SLIT1: variants seen among roughly 807,000 people sequenced by gnomAD.
SLIT1 encodes slit guidance ligand 1, also known as slit homolog 1 protein.
In SLIT1, 66 loss-of-function variants were observed where a neutral mutation model predicts 186.1. The ratio of observed to expected loss-of-function variants is 0.35; its 90% CI spans 0.29 to 0.44. The LOEUF (loss-of-function observed/expected upper bound fraction) is 0.44, where lower values mean the gene tolerates loss of function less well. Among genes scored for constraint, SLIT1 ranks in the 20% least tolerant of loss-of-function variants. SLIT1 has a pLI of 1.00. For synonymous variants in SLIT1, 761 were observed against 833.8 expected, an observed-to-expected ratio of 0.91 and a Z score of 1.50; for missense variants, 1,638 against 2,037.4, an observed-to-expected ratio of 0.80 and a Z score of 3.77.
At chr10:97,039,954 C>T in intron 21 of SLIT1, 34 bp downstream of exon 21, 1 of 1,609,956 alleles carries the variant, frequency 6.2e-7, no homozygotes, top group Non-Finnish European at 8.5e-7. Context: ...TCCTGTGGAC[C>T]CACGTGAAGG....
chr10:97,041,858 A>G (rs1339425662), intron 20 of SLIT1, among the ~76,000 whole-genome samples: 1 of 152,186 alleles, frequency 6.6e-6, no homozygotes, highest in East Asian at 1.9e-4. Context: ...TGTAAAAAGA[A>G]GGATAAAAGG....
At chr10:97,167,004 G>C (rs1850130444) in intron 1 of SLIT1, among the ~76,000 whole-genome samples, 1 of 152,004 alleles carries the variant, frequency 6.6e-6, no homozygotes, top group South Asian at 2.1e-4. Flanking sequence ...CTGTCCCGTG[G>C]GCCTGGCTCC....
In SLIT1 at chr10:97,163,431, A is replaced by G; in HGVS notation, c.290T>C (p.Ile97Thr). ...LRVLQLMENQ[I>T]GAVERGAFDD... ...AAAAGCACCACGTTCCACTGCTCCA[A>G]TCTGGTTCTCCATCAGCTGCCTGGG... is the stretch of plus-strand genomic sequence containing the variant. Residue 97 changes from isoleucine (I) to threonine (T), a missense_variant, in exon 3 of 37, where the codon ATT becomes ACT. Transcript: ENST00000266058. 6.2e-7 allele frequency: 1 copy of G among 1,614,150 alleles called. No individual in the cohort carries two copies. The highest frequency in any genetic ancestry group is 2.2e-5 in the East Asian group (1 of 44,880).
At chr10:97,111,090 T>C (rs888124341) in intron 4 of SLIT1, among the ~76,000 whole-genome samples, 3 of 151,868 alleles carry the variant, frequency 2.0e-5, no homozygotes, top group African/African-American at 7.3e-5. Context: ...CTCAGGAGGC[T>C]GAGGCAGGAG....
At chr10:97,050,764 C>A (rs2134629184) in intron 13 of SLIT1, among the ~76,000 whole-genome samples, 1 of 152,268 alleles carries the variant, frequency 6.6e-6, no homozygotes, top group Non-Finnish European at 1.5e-5. Flanking sequence ...ACTGTGTAGT[C>A]AATCCAATTG....
intron 4 of SLIT1, among the ~76,000 whole-genome samples, chr10:97,131,978 G>T (rs893232241): frequency 1.3e-5 from 2 of 152,232 alleles, no homozygotes; most frequent in Non-Finnish European, 2.9e-5. Context: ...TCCTTTAACA[G>T]CTGTATAAGT....
chr10:97,073,123 T>C (rs1288178876), intron 4 of SLIT1, among the ~76,000 whole-genome samples: 1 of 152,144 alleles, frequency 6.6e-6, no homozygotes, highest in African/African-American at 2.4e-5. Context: ...TTCTTTTTGC[T>C]CCAACTGACT....
Position 97,056,327 on chromosome 10 carries a change from T to C in SLIT1, c.1295A>G (p.Gln432Arg), listed in dbSNP as rs746731696. The change falls in exon 13 of 37, where the codon CAG (glutamine) becomes CGG (arginine). Residue 432 changes from glutamine (Q) to arginine (R), a missense_variant. By Grantham distance (43) the Gln-to-Arg change is conservative. Transcript: ENST00000266058. ...AAGGCATCAGGGCACTCACAGAGTC[T>C]GGATGGCCCGCAGGGAGGTGAAAGT... ...KGTFTSLRAIQTLHLAQNPFI... is the reference protein window; with the variant it reads ...KGTFTSLRAIRTLHLAQNPFI... 6.2e-7 allele frequency: 1 copy of C among 1,614,102 alleles called. No homozygotes were observed. Among genetic ancestry groups the C allele is most frequent in the Non-Finnish European group, 8.5e-7 (1 of 1,179,968 alleles).
At chr10:97,105,843 T>C (rs1849408860) in intron 4 of SLIT1, among the ~76,000 whole-genome samples, 1 of 151,986 alleles carries the variant, frequency 6.6e-6, no homozygotes, top group African/African-American at 2.4e-5. Flanking sequence ...AACAGAGAAA[T>C]TGACCAGCCA....
Position 97,043,396 on chromosome 10 carries a change from G to A in SLIT1, c.1971C>T (p.Phe657=), listed in dbSNP as rs772987008. ...NQITTVSPGA[F]DTLQSLSTLN... Reference sequence around the variant, plus strand: ...GTGTGGAGAGGGACTGGAGGGTGTCGAAGGCTCCTGGGGATACGGTGGTGA... The same window carrying A: ...GTGTGGAGAGGGACTGGAGGGTGTCAAAGGCTCCTGGGGATACGGTGGTGA... Residue 657 remains phenylalanine, a synonymous_variant, in exon 19 of 37, where the codon TTC becomes TTT. Transcript: ENST00000266058. The surrounding 1 kb of genome is among the most constrained non-coding windows in gnomAD (Gnocchi z 7.0). 16 of 1,613,774 alleles carry A rather than the reference G, an allele frequency of 9.9e-6. No individual in the cohort carries two copies. Among genetic ancestry groups the A allele is most frequent in the Admixed American group, 1.7e-5 (1 of 60,024 alleles).
intron 4 of SLIT1, among the ~76,000 whole-genome samples, chr10:97,096,807 T>A (rs1022092614): frequency 1.3e-5 from 2 of 152,174 alleles, no homozygotes; most frequent in African/African-American, 4.8e-5. Context: ...GTGGTGTGAT[T>A]TAGAAATGCC....
At chr10:97,053,571 C>G (rs1163320502) in intron 13 of SLIT1, among the ~76,000 whole-genome samples, 1 of 152,150 alleles carries the variant, frequency 6.6e-6, no homozygotes, top group African/African-American at 2.4e-5. Flanking sequence ...AAGAGCACTG[C>G]CTGGCATAGA....
At chr10:97,016,816 G>A (rs931948601) in intron 28 of SLIT1, among the ~76,000 whole-genome samples, 7 of 152,154 alleles carry the variant, frequency 4.6e-5, no homozygotes, top group African/African-American at 9.7e-5. Flanking sequence ...ATGTATCTGG[G>A]GAGTCTGTGA....
chr10:97,093,133 T>C (rs550003811), intron 4 of SLIT1, among the ~76,000 whole-genome samples: 20 of 151,936 alleles, frequency 1.3e-4, no homozygotes, highest in African/African-American at 2.4e-5. Context: ...AACTGTAAGG[T>C]GGTGTGAGAA....
Position 97,022,347 on chromosome 10 carries a change from C to A in SLIT1, c.2583-934G>T, listed in dbSNP as rs1848509273. ...CACATGAATGCATTCTCATTGTCAG[C>A]CACTTTCAAGCATTGCAGACAAAGC... On this transcript the variant is annotated intron_variant, in intron 25 of 36. Coordinates refer to ENST00000266058, the MANE Select transcript of SLIT1 (RefSeq NM_003061.3). The surrounding 1 kb of genome is among the most constrained non-coding windows in gnomAD (Gnocchi z 4.2). 6.6e-6 allele frequency among the ~76,000 whole-genome samples: 1 copy of A among 152,186 alleles called. No individual in the cohort carries two copies. The highest frequency in any genetic ancestry group is 6.5e-5 in the Admixed American group (1 of 15,282).
At chr10:97,145,039 G>A (rs1294715789) in intron 4 of SLIT1, among the ~76,000 whole-genome samples, 3 of 152,184 alleles carry the variant, frequency 2.0e-5, no homozygotes, top group Admixed American at 1.3e-4. Flanking sequence ...CCAACTGGAA[G>A]AGCCAGCAGA....
chr10:97,180,434 T>A (rs998032690), intron 1 of SLIT1, among the ~76,000 whole-genome samples: 1 of 152,242 alleles, frequency 6.6e-6, no homozygotes, highest in Non-Finnish European at 1.5e-5. Context: ...CTTGCAGTTA[T>A]GTGCTTATTC....
chr10:97,134,451 T>G (rs1269906362), intron 4 of SLIT1, among the ~76,000 whole-genome samples: 1 of 152,136 alleles, frequency 6.6e-6, no homozygotes, highest in East Asian at 1.9e-4. Context: ...CGGCCTGTTC[T>G]CTCTGCGCCC....
chr10:97,014,001 C>T lies in SLIT1; in HGVS notation c.3109+18G>A, dbSNP rs1157563529. The T allele has an allele frequency of 1.2e-6, 2 of 1,611,712 alleles. No homozygotes were observed. Among genetic ancestry groups the T allele is most frequent in the African/African-American group, 1.3e-5 (1 of 75,044 alleles). ...TGTTCCCCACCTCCCCCAGACACTG[C>T]TGCCCTGACGCACTTACCCTCATAC... is the stretch of plus-strand genomic sequence containing the variant. On this transcript the variant is annotated intron_variant, in intron 29 of 36. Transcript: ENST00000266058.
Sources: gnomAD v4.1 joint callset for allele counts (sites outside exome capture counted in the v4.1 genomes callset) on GRCh38, gnomAD v4.1.1 for gene constraint, Gnocchi (gnomAD v3.1) non-coding constraint, MANE v1.5 for transcripts, NCBI Gene and HGNC (gene_info 2026-07-23, HGNC 2026-07-21) for gene names.